The following SEC63 variants were observed in gnomAD, a reference collection of about 807,000 sequenced individuals.
SEC63 encodes translocation protein SEC63 homolog.
Under a neutral mutation model 116.2 loss-of-function variants are expected in SEC63, and 56 were observed. That is an observed-to-expected ratio of 0.48 (90% CI 0.39 to 0.60). The LOEUF (loss-of-function observed/expected upper bound fraction) is 0.60, where lower values mean the gene tolerates loss of function less well. Among genes scored for constraint, SEC63 ranks in the 20% least tolerant of loss-of-function variants. The pLI, the probability that SEC63 is intolerant of heterozygous loss-of-function variation, is 0.00. For synonymous variants in SEC63, 273 were observed against 294.6 expected (o/e 0.93, Z 0.75); for missense variants, 668 against 900.0 (o/e 0.74, Z 3.30).
intron 5 of SEC63, 101 bp downstream of exon 5, chr6:107,913,265 G>A: frequency 1.2e-6 from 1 of 845,458 alleles, no homozygotes; most frequent in Non-Finnish European, 2.0e-6. Context: ...CTCCATGTGA[G>A]TATAAGTTTA....
intron 1 of SEC63, among the ~76,000 whole-genome samples, chr6:107,953,703 TCAGCCCCCTGCCCGGC>T (rs1208606978): frequency 1.6e-4 from 16 of 98,256 alleles, no homozygotes; most frequent in Admixed American, 2.3e-4. Flanking sequence ...AGGTGGGGGG[TCAGCCCCCTGCCCGGC>T]CAGCCGCCCT....
chr6:107,907,549 T>A (rs1787173364), intron 8 of SEC63, among the ~76,000 whole-genome samples: 1 of 152,184 alleles, frequency 6.6e-6, no homozygotes, highest in Non-Finnish European at 1.5e-5. Flanking sequence ...GCCATTGTAC[T>A]CTAGCCTGGG....
At chr6:107,889,103 A>G (rs527716150) in intron 16 of SEC63, among the ~76,000 whole-genome samples, 1 of 152,334 alleles carries the variant, frequency 6.6e-6, no homozygotes, top group South Asian at 2.1e-4. Flanking sequence ...TGCTGGCCTC[A>G]TAAAATGAGT....
chr6:107,912,729 T>C lies in SEC63; in HGVS notation c.560A>G (p.Lys187Arg), dbSNP rs2114460839. 1 of 1,610,062 alleles carries C rather than the reference T, an allele frequency of 6.2e-7. No individual in the cohort carries two copies. The highest frequency in any genetic ancestry group is 2.2e-5 in the East Asian group (1 of 44,852). ...IALPAWIVDQ[K>R]NSILVLLVYG... is the part of the protein sequence containing the mutation. ...AAATGCACTCACCAGAATTGAGTTT[T>C]TCTGGTCAACTATCCAAGCTGGCAG... The change falls in exon 6 of 21, where the codon AAA (lysine) becomes AGA (arginine). Residue 187 changes from lysine (K) to arginine (R), a missense_variant. Coordinates refer to ENST00000369002, the MANE Select transcript of SEC63 (RefSeq NM_007214.5).
At chr6:107,893,746 A>G in intron 15 of SEC63, 91 bp from the exon 16 acceptor site, 4 of 1,590,638 alleles carry the variant, frequency 2.5e-6, no homozygotes, top group Non-Finnish European at 3.5e-6. Context: ...GCTAAACTGA[A>G]TTACTCTCCC....
intron 1 of SEC63, among the ~76,000 whole-genome samples, chr6:107,955,554 C>T (rs1770694344): frequency 6.6e-6 from 1 of 152,212 alleles, no homozygotes; most frequent in Admixed American, 6.5e-5. Flanking sequence ...AAACTACCAC[C>T]ACTTTTTCAA....
At chr6:107,874,320 C>T (rs540144148) in intron 19 of SEC63, among the ~76,000 whole-genome samples, 23 of 152,244 alleles carry the variant, frequency 1.5e-4, no homozygotes, top group South Asian at 4.1e-4. Context: ...GGAAGCCGGG[C>T]ACGGTGGCTC....
chr6:107,938,566 CTTTT>C (rs542430538), intron 1 of SEC63, among the ~76,000 whole-genome samples: 3 of 138,284 alleles, frequency 2.2e-5, no homozygotes, highest in Non-Finnish European at 3.1e-5. Flanking sequence ...CTTCTTTTTT[CTTTT>C]TTTTTTTTTT....
At chr6:107,937,317 G>T (rs1317968823) in intron 1 of SEC63, among the ~76,000 whole-genome samples, 4 of 151,958 alleles carry the variant, frequency 2.6e-5, no homozygotes, top group Non-Finnish European at 5.9e-5. Context: ...GTAGAGATAG[G>T]GTTTCTCCAT....
At chr6:107,916,393 A>G (rs1284071735) in intron 4 of SEC63, among the ~76,000 whole-genome samples, 2 of 152,240 alleles carry the variant, frequency 1.3e-5, no homozygotes, top group East Asian at 3.8e-4. Context: ...CACATAGATA[A>G]ACAGCAAGCC....
At position 107,868,074 on chromosome 6, in the gene SEC63, CTTG is replaced by C. The variant is rs1314015187; in HGVS notation, c.*3627_*3629del. On this transcript the variant is annotated 3_prime_UTR_variant, in exon 21 of 21. Transcript: ENST00000369002. ...CATCAAGTTTAAATGGATGAGAATG[CTTG>C]GTGCTAACTTCTTGAGACATATTTG... The C allele has an allele frequency of 1.3e-5, 2 of 152,034 alleles. No homozygotes were observed. The highest frequency in any genetic ancestry group is 4.8e-5 in the African/African-American group (2 of 41,382). 9.4% of individuals were successfully genotyped at this position (152,034 alleles called of 1,614,324 possible).
chr6:107,871,397 A>T lies in SEC63; in HGVS notation c.*307T>A, dbSNP rs1786129833. The T allele has an allele frequency of 2.6e-6, 1 of 385,808 alleles. No individual in the cohort carries two copies. The highest frequency in any genetic ancestry group is 4.9e-6 in the Non-Finnish European group (1 of 203,396). 23.9% of individuals were successfully genotyped at this position (385,808 alleles called of 1,614,324 possible). A position where few individuals can be genotyped will look rare whatever the true frequency, so the allele number is the denominator to read the frequency against. On this transcript the variant is annotated 3_prime_UTR_variant, in exon 21 of 21. Transcript: ENST00000369002. ...TTCCTGCATCTTTACTTTTACTGGG[A>T]CCATAGACTGATCAGATAATACATA...
chr6:107,925,638 G>C (rs1787658554), intron 2 of SEC63, among the ~76,000 whole-genome samples: 1 of 152,112 alleles, frequency 6.6e-6, no homozygotes, highest in South Asian at 2.1e-4. Context: ...CACTGGAGAG[G>C]TTAAAGAAAA....
At chr6:107,885,857 T>G (rs1253747454) in intron 16 of SEC63, among the ~76,000 whole-genome samples, 1 of 151,738 alleles carries the variant, frequency 6.6e-6, no homozygotes, top group East Asian at 1.9e-4. Flanking sequence ...GTATCATCTG[T>G]TGTTTTTTTT....
rs1786990444 is a variant in SEC63, at chr6:107,901,131, G to C, written c.1357+239C>G. 1.3e-5 allele frequency among the ~76,000 whole-genome samples: 2 copies of C among 152,156 alleles called. 1 individual carries two copies. Among genetic ancestry groups the C allele is most frequent in the South Asian group, 4.1e-4 (2 of 4,836 alleles). ...TTGCTAAAAGTTGAACTACAGAACA[G>C]AGTGTTCAGACTTCATCCCATTATG... On this transcript the variant is annotated intron_variant, in intron 13 of 20. Coordinates refer to ENST00000369002, the MANE Select transcript of SEC63 (RefSeq NM_007214.5).
intron 4 of SEC63, among the ~76,000 whole-genome samples, chr6:107,917,889 T>C (rs752083561): frequency 3.9e-5 from 6 of 152,210 alleles, no homozygotes; most frequent in African/African-American, 7.2e-5. Flanking sequence ...CAGCAAGTTA[T>C]CCAGAAGATC....
At chr6:107,883,526 G>A (rs922881448) in intron 16 of SEC63, 6 of 217,584 alleles carry the variant, frequency 2.8e-5, no homozygotes, top group East Asian at 1.3e-4. Context: ...CAGTCACAGC[G>A]ACTCATGCAT....
intron 1 of SEC63, among the ~76,000 whole-genome samples, chr6:107,942,600 C>T (rs574622876): frequency 2.5e-4 from 38 of 152,170 alleles, no homozygotes; most frequent in Non-Finnish European, 4.7e-4. Flanking sequence ...GTACAGTTAA[C>T]CCTTGAACAA....
rs151186160 is a variant in SEC63 at position 107,884,858 on chromosome 6, T to A, written c.1675-1712A>T. Among the ~76,000 whole-genome samples, 519 of 152,228 alleles carry A rather than the reference T, an allele frequency of 3.4e-3. 12 individuals are homozygous for A. The highest frequency in any genetic ancestry group is 0.012 in the African/African-American group (491 of 41,562). ...CTAAGCTATGACCAAATGATATTTG[T>A]TCCAGGAATGCAGGGATGGTTTCAA... On this transcript the variant is annotated intron_variant, in intron 16 of 20. Transcript: ENST00000369002.
Sources: gnomAD v4.1 joint callset for allele counts (sites outside exome capture counted in the v4.1 genomes callset) on GRCh38, gnomAD v4.1.1 for gene constraint, MANE v1.5 for transcripts, NCBI Gene and HGNC (gene_info 2026-07-23, HGNC 2026-07-21) for gene names.